Variants in RANBP2 observed in about 807,000 individuals in gnomAD.
RANBP2 encodes E3 SUMO-protein ligase RanBP2.
A neutral mutation model predicts 303.6 loss-of-function variants in RANBP2; 57 were observed. The ratio of observed to expected loss-of-function variants is 0.19; its 90% CI spans 0.15 to 0.23. The LOEUF (loss-of-function observed/expected upper bound fraction) is 0.23. Among genes scored for constraint, RANBP2 ranks in the 10% least tolerant of loss-of-function variants. The probability of loss-of-function intolerance (pLI) is 1.00; values close to 1 mark genes in which losing one functional copy is unlikely to be tolerated. For synonymous variants in RANBP2, 1,167 were observed against 1,301.5 expected (o/e 0.90, Z 2.23); for missense variants, 3,138 against 3,780.8 (o/e 0.83, Z 4.46).
At chr2:109,060,862 A>T in the RANBP2 span, among the ~76,000 whole-genome samples, 2 of 152,158 alleles carry the variant, frequency 1.3e-5, no homozygotes, top group African/African-American at 4.8e-5. Context: ...TATATATAAC[A>T]TATATGTCTT....
the RANBP2 span, among the ~76,000 whole-genome samples, chr2:109,475,233 T>C: frequency 6.6e-6 from 1 of 152,200 alleles, no homozygotes; most frequent in Non-Finnish European, 1.5e-5. Context: ...CGCCTCGGCC[T>C]CCCAAAGTGC....
rs576153620 is a variant in RANBP2, at chr2:108,764,497, G to C, written c.3958G>C (p.Val1320Leu). 2 of 1,613,944 alleles carry C rather than the reference G, an allele frequency of 1.2e-6. No homozygotes were observed. Among genetic ancestry groups the C allele is most frequent in the African/African-American group, 1.3e-5 (1 of 75,006 alleles). ...TGTAGCCATGGCGTCAAATCAGGCTGTCAGAATTGTAAAAGAACCCACAAG... is the reference window on the plus strand; with the variant it reads ...TGTAGCCATGGCGTCAAATCAGGCTCTCAGAATTGTAAAAGAACCCACAAG... The part of the protein sequence containing the change: ...TNVAMASNQA[V>L]RIVKEPTSHD... Residue 1320 changes from valine (V) to leucine (L), a missense_variant, in exon 20 of 29, where the codon GTC becomes CTC. Physicochemically the swap from Val to Leu is conservative, Grantham distance 32 (BLOSUM62 1). Coordinates refer to ENST00000283195, the MANE Select transcript of RANBP2 (RefSeq NM_006267.5).
the RANBP2 span, among the ~76,000 whole-genome samples, chr2:108,822,006 C>G: frequency 6.6e-6 from 1 of 150,748 alleles, no homozygotes; most frequent in Non-Finnish European, 1.5e-5. Context: ...AAAAAACTAA[C>G]TAGAGTGGCT....
At chr2:108,844,029 T>C in the RANBP2 span, among the ~76,000 whole-genome samples, 1 of 150,658 alleles carries the variant, frequency 6.6e-6, no homozygotes, top group African/African-American at 2.4e-5. Flanking sequence ...ACCTGGTTAA[T>C]TTTTTTTTGT....
chr2:108,863,467 G>C, the RANBP2 span, among the ~76,000 whole-genome samples: 1 of 152,230 alleles, frequency 6.6e-6, no homozygotes, highest in Non-Finnish European at 1.5e-5. Flanking sequence ...CTGAAGCAGA[G>C]TTAGTGAGGG....
the RANBP2 span, among the ~76,000 whole-genome samples, chr2:108,880,191 TAAA>T: frequency 8.0e-4 from 118 of 148,108 alleles, 1 homozygote; most frequent in African/African-American, 2.6e-3. Context: ...CAGGGTAACT[TAAA>T]AAAAAAAAAC....
the RANBP2 span, among the ~76,000 whole-genome samples, chr2:109,005,544 G>T: frequency 6.6e-6 from 1 of 152,192 alleles, no homozygotes; most frequent in South Asian, 2.1e-4. Context: ...CCTCTCTGAA[G>T]CCTTCCTGGG....
chr2:109,398,774 A>G, the RANBP2 span: 1 of 1,613,764 alleles, frequency 6.2e-7, no homozygotes. Context: ...AAGAACACCA[A>G]GAAACGCCAC....
the RANBP2 span, among the ~76,000 whole-genome samples, chr2:109,485,610 T>C: frequency 1.3e-5 from 2 of 152,180 alleles, no homozygotes; most frequent in Non-Finnish European, 2.9e-5. Flanking sequence ...CTGTATAGAG[T>C]GTAGTATGAA....
the RANBP2 span, among the ~76,000 whole-genome samples, chr2:109,289,519 G>T: frequency 6.6e-6 from 1 of 152,178 alleles, no homozygotes; most frequent in Non-Finnish European, 1.5e-5. Flanking sequence ...ATTGTGTGTG[G>T]TGGAAATCTG....
chr2:109,078,817 C>T, the RANBP2 span, among the ~76,000 whole-genome samples: 2 of 137,578 alleles, frequency 1.5e-5, no homozygotes, highest in African/African-American at 3.0e-5. Context: ...CCCATTTCAA[C>T]TAAAAATACA....
chr2:109,614,613 C>T, the RANBP2 span: 7 of 1,459,292 alleles, frequency 4.8e-6, no homozygotes, highest in Non-Finnish European at 6.3e-6. Flanking sequence ...CAGGGGCGCC[C>T]TAGGCGGCGA....
the RANBP2 span, chr2:109,371,816 C>T: frequency 1.3e-6 from 1 of 752,798 alleles, no homozygotes; most frequent in Non-Finnish European, 2.2e-6. Flanking sequence ...GGCCAGAGAG[C>T]TGCTATGTGT....
chr2:109,377,751 G>C, the RANBP2 span, among the ~76,000 whole-genome samples: 1 of 152,138 alleles, frequency 6.6e-6, no homozygotes, highest in Non-Finnish European at 1.5e-5. Flanking sequence ...AGACCACTGG[G>C]TTCTAAGCCT....
the RANBP2 span, among the ~76,000 whole-genome samples, chr2:109,684,643 C>T: frequency 0.26 from 39,097 of 150,174 alleles, 5,739 homozygotes; most frequent in Non-Finnish European, 0.32. Flanking sequence ...CAGTGATTCT[C>T]CTGCCTCAGC....
At chr2:109,651,633 G>A in the RANBP2 span, among the ~76,000 whole-genome samples, 2 of 152,180 alleles carry the variant, frequency 1.3e-5, no homozygotes, top group South Asian at 2.1e-4. Flanking sequence ...GTCACCAGAG[G>A]TGAGGATCTG....
At chr2:109,482,464 G>C in the RANBP2 span, among the ~76,000 whole-genome samples, 1 of 152,136 alleles carries the variant, frequency 6.6e-6, no homozygotes, top group African/African-American at 2.4e-5. Flanking sequence ...ACCGTGCTGT[G>C]GCTGTTTATC....
chr2:108,768,521 A>G, intron 20 of RANBP2, 133 bp downstream of exon 20: 6 of 1,531,352 alleles, frequency 3.9e-6, no homozygotes, highest in Admixed American at 1.9e-5. Flanking sequence ...TATTTGAGCA[A>G]TTTTTTTTCT....
chr2:108,779,175 CT>C (rs935499397), intron 25 of RANBP2, among the ~76,000 whole-genome samples: 7 of 148,714 alleles, frequency 4.7e-5, no homozygotes, highest in Admixed American at 4.0e-4. Context: ...CTTTCTGTCT[CT>C]TTTTTTTGAG....
Sources: allele counts gnomAD v4.1 joint callset (sites outside exome capture counted in the v4.1 genomes callset), GRCh38; gene constraint gnomAD v4.1.1; transcripts MANE v1.5; gene names NCBI Gene and HGNC (gene_info 2026-07-23, HGNC 2026-07-21).